ST6GALNAC3: variants seen among roughly 807,000 people sequenced by gnomAD.
ST6GALNAC3 encodes ST6 N-acetylgalactosaminide alpha-2,6-sialyltransferase 3.
Under a neutral mutation model 32.7 loss-of-function variants are expected in ST6GALNAC3, and 25 were observed. The ratio of observed to expected loss-of-function variants is 0.76; its 90% CI spans 0.56 to 1.07. The LOEUF is 1.07. Ranked by LOEUF, ST6GALNAC3 falls within the 50% of genes least tolerant of loss-of-function variation. The pLI, the probability that ST6GALNAC3 is intolerant of heterozygous loss-of-function variation, is 0.00. For missense variants in ST6GALNAC3, 355 were observed against 382.4 expected, an observed-to-expected ratio of 0.93 and a Z score of 0.60; for synonymous variants, 129 against 133.1, an observed-to-expected ratio of 0.97 and a Z score of 0.21.
intron 2 of ST6GALNAC3, among the ~76,000 whole-genome samples, chr1:76,375,126 G>A (rs1453556770): frequency 6.6e-6 from 1 of 152,132 alleles, no homozygotes. Context: ...ATGTCAAAAT[G>A]TAAGTGCCTG....
chr1:76,336,686 C>G (rs1192259950), intron 2 of ST6GALNAC3, among the ~76,000 whole-genome samples: 1 of 152,092 alleles, frequency 6.6e-6, no homozygotes, highest in Non-Finnish European at 1.5e-5. Flanking sequence ...GTTTTTTCTT[C>G]CCTGGCTCAA....
chr1:76,461,044 T>C (rs1192785664), intron 3 of ST6GALNAC3, among the ~76,000 whole-genome samples: 1 of 152,212 alleles, frequency 6.6e-6, no homozygotes, highest in Admixed American at 6.5e-5. Context: ...GGCCTATTTA[T>C]TGAAGTAAAT....
chr1:76,630,687 C>G lies in ST6GALNAC3; in HGVS notation c.*1881C>G. 1 of 985,638 alleles carries G rather than the reference C, an allele frequency of 1.0e-6. No homozygotes were observed. The highest frequency in any genetic ancestry group is 1.2e-6 in the Non-Finnish European group (1 of 829,836). 61.1% of individuals were successfully genotyped at this position (985,638 alleles called of 1,614,324 possible). A position where few individuals can be genotyped will look rare whatever the true frequency, so the allele number is the denominator to read the frequency against. On this transcript the variant is annotated 3_prime_UTR_variant, in exon 5 of 5. Coordinates refer to ENST00000328299, the MANE Select transcript of ST6GALNAC3 (RefSeq NM_152996.4). ...CTTGGATAAAGGCCTTTTGCCTACT[C>G]TCTTCTGCAATTTTGACACCTCAAT...
chr1:76,333,636 C>T (rs1403314890), intron 2 of ST6GALNAC3, among the ~76,000 whole-genome samples: 1 of 152,128 alleles, frequency 6.6e-6, no homozygotes, highest in Non-Finnish European at 1.5e-5. Context: ...TTTTGCCTCA[C>T]TCTTCAGTGA....
intron 1 of ST6GALNAC3, among the ~76,000 whole-genome samples, chr1:76,208,049 C>CCA (rs1553165403): frequency 0.024 from 1,235 of 51,132 alleles, 26 homozygotes; most frequent in African/African-American, 0.065. Flanking sequence ...GTGCCCCCCC[C>CCA]CCCAAAAAAT....
intron 1 of ST6GALNAC3, among the ~76,000 whole-genome samples, chr1:76,227,216 G>A (rs191778159): frequency 7.9e-5 from 12 of 152,214 alleles, no homozygotes; most frequent in Admixed American, 7.9e-4. Flanking sequence ...ATTCAGGAGT[G>A]CTATGGCCCT....
At chr1:76,618,407 A>G (rs1343317141) in intron 3 of ST6GALNAC3, among the ~76,000 whole-genome samples, 1 of 152,126 alleles carries the variant, frequency 6.6e-6, no homozygotes, top group East Asian at 1.9e-4. Context: ...TGTAATATGG[A>G]TATTAGTACT....
intron 1 of ST6GALNAC3, among the ~76,000 whole-genome samples, chr1:76,195,920 TAAG>T (rs1434745523): frequency 2.0e-5 from 3 of 152,274 alleles, no homozygotes; most frequent in African/African-American, 7.2e-5. Flanking sequence ...CTGAGGTTGG[TAAG>T]AAGGAGAAAG....
At chr1:76,331,793 G>A (rs1647191266) in intron 2 of ST6GALNAC3, among the ~76,000 whole-genome samples, 1 of 152,160 alleles carries the variant, frequency 6.6e-6, no homozygotes, top group Non-Finnish European at 1.5e-5. Flanking sequence ...TAATGTAAAT[G>A]TAGGCATTTA....
At chr1:76,571,468 C>T (rs315018) in intron 3 of ST6GALNAC3, among the ~76,000 whole-genome samples, 18,597 of 152,078 alleles carry the variant, frequency 0.12, 2,014 homozygotes, top group African/African-American at 0.29. Flanking sequence ...TTATCACAGA[C>T]TGTAGGAAAC....
At chr1:76,507,731 T>C (rs985215590) in intron 3 of ST6GALNAC3, among the ~76,000 whole-genome samples, 3 of 152,184 alleles carry the variant, frequency 2.0e-5, no homozygotes, top group African/African-American at 4.8e-5. Context: ...CATGTGGTTA[T>C]GAACATTCCT....
chr1:76,430,137 C>G (rs1283161802), intron 3 of ST6GALNAC3, among the ~76,000 whole-genome samples: 1 of 152,170 alleles, frequency 6.6e-6, no homozygotes, highest in Non-Finnish European at 1.5e-5. Flanking sequence ...TCAAAATATT[C>G]TTTGATTATA....
rs114726837 is a variant in ST6GALNAC3 at position 76,270,709 on chromosome 1, G to T, written c.19-43096G>T. ...GTTAATGACAGGGCCGGGAGAGGGAGGGAAGGGTGGAAATGACCAGGAACA... is the reference window on the plus strand; with the variant it reads ...GTTAATGACAGGGCCGGGAGAGGGATGGAAGGGTGGAAATGACCAGGAACA... On this transcript the variant is annotated intron_variant, in intron 1 of 4. Coordinates refer to ENST00000328299, the MANE Select transcript of ST6GALNAC3 (RefSeq NM_152996.4). Among the ~76,000 whole-genome samples, 95 of 152,122 alleles carry T rather than the reference G, an allele frequency of 6.2e-4. 1 individual carries two copies. Among genetic ancestry groups the T allele is most frequent in the African/African-American group, 2.3e-3 (94 of 41,500 alleles).
chr1:76,335,264 T>C (rs2100972994), intron 2 of ST6GALNAC3, among the ~76,000 whole-genome samples: 1 of 152,338 alleles, frequency 6.6e-6, no homozygotes, highest in South Asian at 2.1e-4. Flanking sequence ...GTATGATTAT[T>C]GTGTACTTTA....
intron 3 of ST6GALNAC3, among the ~76,000 whole-genome samples, chr1:76,457,953 C>A (rs1285747269): frequency 6.7e-6 from 1 of 150,246 alleles, no homozygotes; most frequent in African/African-American, 2.4e-5. Context: ...AGGCAACCTA[C>A]AAAATGGGAG....
intron 3 of ST6GALNAC3, among the ~76,000 whole-genome samples, chr1:76,607,753 G>A (rs1004807178): frequency 6.6e-6 from 1 of 152,088 alleles, no homozygotes; most frequent in African/African-American, 2.4e-5. Flanking sequence ...ATACAAACAG[G>A]ATTTCAGGCC....
chr1:76,451,850 A>G (rs895566269), intron 3 of ST6GALNAC3, among the ~76,000 whole-genome samples: 2 of 152,200 alleles, frequency 1.3e-5, no homozygotes, highest in African/African-American at 2.4e-5. Context: ...GTATACAATT[A>G]TATCATCAGC....
At chr1:76,113,789 C>T (rs1195044480) in intron 1 of ST6GALNAC3, among the ~76,000 whole-genome samples, 4 of 151,780 alleles carry the variant, frequency 2.6e-5, no homozygotes, top group East Asian at 3.9e-4. Context: ...CAAGTAACTC[C>T]TTTGTTTGTG....
At chr1:76,502,560 T>A (rs1367790288) in intron 3 of ST6GALNAC3, among the ~76,000 whole-genome samples, 1 of 152,166 alleles carries the variant, frequency 6.6e-6, no homozygotes, top group African/African-American at 2.4e-5. Context: ...ATCTTCCTTC[T>A]CTGCATGTCT....
Sources: gnomAD v4.1 joint callset for allele counts (sites outside exome capture counted in the v4.1 genomes callset) on GRCh38, gnomAD v4.1.1 for gene constraint, MANE v1.5 for transcripts, NCBI Gene and HGNC (gene_info 2026-07-23, HGNC 2026-07-21) for gene names.